Variants in RCAN3 observed in about 807,000 individuals in gnomAD.
The protein encoded by RCAN3 is calcipressin-3.
RCAN3 carries 19 observed loss-of-function variants against 21.9 expected under a neutral mutation model. The ratio of observed to expected loss-of-function variants is 0.87; its 90% CI spans 0.61 to 1.27. The LOEUF is 1.27. RCAN3 is among the 50% of genes most tolerant of loss of function. RCAN3 has a pLI of 0.00. For synonymous variants in RCAN3, 114 were observed against 112.3 expected, an observed-to-expected ratio of 1.01 and a Z score of -0.09; for missense variants, 240 against 300.1, an observed-to-expected ratio of 0.80 and a Z score of 1.48.
At chr1:24,511,811 G>A (rs532414038) in intron 1 of RCAN3, among the ~76,000 whole-genome samples, 2 of 152,326 alleles carry the variant, frequency 1.3e-5, no homozygotes, top group East Asian at 3.9e-4. Context: ...GTGTGATAAA[G>A]TGACGCATGA....
chr1:24,510,263 T>G (rs1557564493), intron 1 of RCAN3, among the ~76,000 whole-genome samples: 1 of 152,216 alleles, frequency 6.6e-6, no homozygotes, highest in East Asian at 1.9e-4. Context: ...AGAGTCAGCC[T>G]GTCCTTCGAA....
chr1:24,515,734 A>G (rs539489156), intron 2 of RCAN3, among the ~76,000 whole-genome samples: 24 of 152,306 alleles, frequency 1.6e-4, no homozygotes, highest in African/African-American at 5.8e-4. Context: ...TTCAGGGGAT[A>G]GAGTGTGAGT....
intron 2 of RCAN3, among the ~76,000 whole-genome samples, chr1:24,522,204 G>T (rs549870269): frequency 9.5e-4 from 144 of 152,142 alleles, no homozygotes; most frequent in African/African-American, 2.8e-3. Flanking sequence ...TGTGTGTGCG[G>T]TATGTATGTA....
intron 3 of RCAN3, 77 bp downstream of exon 3, chr1:24,531,468 C>A (rs1649755437): frequency 1.6e-5 from 18 of 1,138,808 alleles, no homozygotes; most frequent in Non-Finnish European, 1.8e-5. Flanking sequence ...TCACCGTTTT[C>A]TATATTATTA....
intron 4 of RCAN3, 67 bp from the exon 5 acceptor site, chr1:24,535,026 A>C (rs1023424212): frequency 5.3e-6 from 8 of 1,506,212 alleles, no homozygotes; most frequent in Non-Finnish European, 6.2e-6. Context: ...AAAAGTTGCA[A>C]GGGACAAAAG....
In RCAN3 at chr1:24,502,869, C is replaced by G. The variant is rs1235226785; in HGVS notation, c.-341C>G. 2 of 150,380 alleles carry G rather than the reference C, an allele frequency of 1.3e-5. No homozygotes were observed. Among genetic ancestry groups the G allele is most frequent in the East Asian group, 1.9e-4 (1 of 5,156 alleles). 9.3% of individuals were successfully genotyped at this position (150,380 alleles called of 1,614,324 possible). On this transcript the variant is annotated 5_prime_UTR_variant, in exon 1 of 5. Coordinates refer to ENST00000374395, the MANE Select transcript of RCAN3 (RefSeq NM_013441.4). Reference sequence around the variant, plus strand: ...AGGGGACGAGGCGGGCGCGCGGCGCCGGCAGCCTAGCTCAGCCGGGACACC... The same window carrying G: ...AGGGGACGAGGCGGGCGCGCGGCGCGGGCAGCCTAGCTCAGCCGGGACACC...
Position 24,502,884 on chromosome 1 carries a change from G to A in RCAN3, c.-326G>A, listed in dbSNP as rs1647200862. The A allele has an allele frequency of 6.7e-6, 1 of 150,294 alleles. No homozygotes were observed. The highest frequency in any genetic ancestry group is 6.6e-5 in the Admixed American group (1 of 15,116). The allele number at this position is 150,294 out of a possible 1,614,324, so 9.3% of individuals were successfully genotyped here. A position where few individuals can be genotyped will look rare whatever the true frequency, so the allele number is the denominator to read the frequency against. ...CGCGCGGCGCCGGCAGCCTAGCTCAGCCGGGACACCGCCCTAGTCCCAGCC... is the reference window on the plus strand; with the variant it reads ...CGCGCGGCGCCGGCAGCCTAGCTCAACCGGGACACCGCCCTAGTCCCAGCC... On this transcript the variant is annotated 5_prime_UTR_variant, in exon 1 of 5. Transcript: ENST00000374395.
At chr1:24,531,119 C>G in intron 2 of RCAN3, 99 bp from the exon 3 acceptor site, 3 of 848,412 alleles carry the variant, frequency 3.5e-6, no homozygotes, top group Non-Finnish European at 5.3e-6. Flanking sequence ...ATAATGAGTT[C>G]TTAATTAGGT....
At chr1:24,515,427 G>GGTGTGTGTGTGTGTGT (rs67348372) in intron 2 of RCAN3, among the ~76,000 whole-genome samples, 6 of 146,378 alleles carry the variant, frequency 4.1e-5, no homozygotes, top group African/African-American at 1.5e-4. Context: ...TAGAAAGAGA[G>GGTGTGTGTGTGTGTGT]GTGTGTGTGT....
intron 1 of RCAN3, among the ~76,000 whole-genome samples, chr1:24,511,997 GGGAGCATGA>G (rs2148894452): frequency 6.6e-6 from 1 of 152,244 alleles, no homozygotes; most frequent in Admixed American, 6.5e-5. Flanking sequence ...GAGAATTAGG[GGGAGCATGA>G]GGGGAGGGTA....
chr1:24,534,447 A>C (rs565248343), intron 4 of RCAN3, among the ~76,000 whole-genome samples: 3 of 152,134 alleles, frequency 2.0e-5, no homozygotes, highest in African/African-American at 7.2e-5. Flanking sequence ...TACTAAAAAT[A>C]CAAAAACAAA....
intron 2 of RCAN3, among the ~76,000 whole-genome samples, chr1:24,515,910 C>T (rs1004306404): frequency 6.6e-6 from 1 of 152,052 alleles, no homozygotes; most frequent in African/African-American, 2.4e-5. Context: ...TTTGGGAGGC[C>T]AAGGCAGGCA....
Position 24,535,403 on chromosome 1 carries a change from C to A in RCAN3, c.*126C>A. 2 of 1,042,286 alleles carry A rather than the reference C, an allele frequency of 1.9e-6. No individual in the cohort carries two copies. The highest frequency in any genetic ancestry group is 2.6e-6 in the Non-Finnish European group (2 of 761,544). The allele number at this position is 1,042,286 out of a possible 1,614,324, so 64.6% of individuals were successfully genotyped here. On this transcript the variant is annotated 3_prime_UTR_variant, in exon 5 of 5. Transcript: ENST00000374395. ...CTGCCGAGTGAGGTATAGGTCTTCT[C>A]ACCACGCCTGTACTGCAGACACGGT...
intron 2 of RCAN3, among the ~76,000 whole-genome samples, chr1:24,526,689 T>G (rs1649303372): frequency 6.6e-6 from 1 of 152,230 alleles, no homozygotes; most frequent in South Asian, 2.1e-4. Context: ...TTATAAGCTA[T>G]TCTTTCTTAA....
rs946796814 is a variant in RCAN3, at chr1:24,525,070, A to T, written c.196-6148A>T. ...CAGTTTGTTCTTCAGTGAAACAGCT[A>T]AACCTTGCCTTCTCCGAATTGGGAT... On this transcript the variant is annotated intron_variant, in intron 2 of 4. Coordinates refer to ENST00000374395, the MANE Select transcript of RCAN3 (RefSeq NM_013441.4). This position sits in a 1 kb window ranked among gnomAD's most constrained non-coding sequence, Gnocchi z 4.1. 6.6e-6 allele frequency among the ~76,000 whole-genome samples: 1 copy of T among 152,070 alleles called. No individual in the cohort carries two copies. The highest frequency in any genetic ancestry group is 2.4e-5 in the African/African-American group (1 of 41,410).
rs1441597096 is a variant in RCAN3 at position 24,525,473 on chromosome 1, G to A, written c.196-5745G>A. 1.3e-5 allele frequency among the ~76,000 whole-genome samples: 2 copies of A among 152,178 alleles called. No individual in the cohort carries two copies. The highest frequency in any genetic ancestry group is 2.9e-5 in the Non-Finnish European group (2 of 68,022). On this transcript the variant is annotated intron_variant, in intron 2 of 4. Transcript: ENST00000374395. The surrounding 1 kb of genome is among the most constrained non-coding windows in gnomAD (Gnocchi z 4.1). ...TGTTTGTGTTATGCCTGTAGACGTTGTGCTGCCAGAGGGGGATACTAAGTG... is the reference window on the plus strand; with the variant it reads ...TGTTTGTGTTATGCCTGTAGACGTTATGCTGCCAGAGGGGGATACTAAGTG...
chr1:24,517,084 G>GTTTTTTTTTTTTTT (rs11372088), intron 2 of RCAN3, among the ~76,000 whole-genome samples: 1 of 146,864 alleles, frequency 6.8e-6, no homozygotes. Flanking sequence ...CTATTTTTTT[G>GTTTTTTTTTTTTTT]TTTTTTTTTG....
rs563368112 is a variant in RCAN3, at chr1:24,502,851, G to A, written c.-359G>A. The A allele has an allele frequency of 7.3e-5, 11 of 150,452 alleles. No homozygotes were observed. The allele number at this position is 150,452 out of a possible 1,614,324, so 9.3% of individuals were successfully genotyped here. ...GCGCCCTGCCAGAACAGGAGGGGAC[G>A]AGGCGGGCGCGCGGCGCCGGCAGCC... On this transcript the variant is annotated 5_prime_UTR_variant, in exon 1 of 5. Coordinates refer to ENST00000374395, the MANE Select transcript of RCAN3 (RefSeq NM_013441.4).
chr1:24,503,728 A>G (rs1458510451), intron 1 of RCAN3, among the ~76,000 whole-genome samples: 1 of 152,256 alleles, frequency 6.6e-6, no homozygotes, highest in African/African-American at 2.4e-5. Flanking sequence ...ATTCTAGTGT[A>G]GGAAGCAATC....
Sources: allele counts gnomAD v4.1 joint callset (sites outside exome capture counted in the v4.1 genomes callset), GRCh38; gene constraint gnomAD v4.1.1; non-coding constraint Gnocchi (gnomAD v3.1); transcripts MANE v1.5; gene names NCBI Gene and HGNC (gene_info 2026-07-23, HGNC 2026-07-21).